The following CNTNAP2 variants were observed in gnomAD, a reference collection of about 807,000 sequenced individuals.
CNTNAP2 encodes contactin-associated protein-like 2.
In CNTNAP2, 98 loss-of-function variants were observed where a neutral mutation model predicts 155.2. The ratio of observed to expected loss-of-function variants is 0.63; its 90% CI spans 0.54 to 0.75. The LOEUF is 0.75. Among genes scored for constraint, CNTNAP2 ranks in the 30% least tolerant of loss-of-function variants. The probability of loss-of-function intolerance (pLI) is 0.00; values close to 1 mark genes in which losing one functional copy is unlikely to be tolerated. For missense variants in CNTNAP2, 1,727 were observed against 1,688.1 expected (o/e 1.02, Z -0.40); for synonymous variants, 651 against 631.2 (o/e 1.03, Z -0.47).
At chr7:146,956,736 G>T (rs1006939852) in intron 3 of CNTNAP2, among the ~76,000 whole-genome samples, 1 of 152,076 alleles carries the variant, frequency 6.6e-6, no homozygotes, top group Non-Finnish European at 1.5e-5. Flanking sequence ...GCTTGTAAGC[G>T]ACTAAATGGC....
chr7:147,683,320 C>T (rs190151035), intron 13 of CNTNAP2, among the ~76,000 whole-genome samples: 179 of 151,966 alleles, frequency 1.2e-3, no homozygotes, highest in Non-Finnish European at 2.1e-3. Flanking sequence ...ATGGAAACTG[C>T]AGCCTTTGCA....
intron 18 of CNTNAP2, among the ~76,000 whole-genome samples, chr7:148,202,404 C>T (rs774699630): frequency 3.9e-5 from 6 of 152,160 alleles, no homozygotes; most frequent in Admixed American, 6.5e-5. Context: ...ATCACACACA[C>T]GCATTTTCCA....
At chr7:147,798,502 G>A (rs537706965) in intron 13 of CNTNAP2, among the ~76,000 whole-genome samples, 46 of 152,276 alleles carry the variant, frequency 3.0e-4, no homozygotes, top group Admixed American at 1.2e-3. Flanking sequence ...TGTCCTGTAC[G>A]TAATGGCTTC....
chr7:146,153,776 A>T (rs970643470), intron 1 of CNTNAP2, among the ~76,000 whole-genome samples: 2 of 152,206 alleles, frequency 1.3e-5, no homozygotes, highest in African/African-American at 4.8e-5. Flanking sequence ...CTTGATGTAG[A>T]CACATTACAT....
chr7:146,369,451 C>G (rs140649753), intron 1 of CNTNAP2, among the ~76,000 whole-genome samples: 3 of 152,122 alleles, frequency 2.0e-5, no homozygotes, highest in African/African-American at 4.8e-5. Context: ...TGTCCCTTAA[C>G]CTATGATACG....
intron 2 of CNTNAP2, among the ~76,000 whole-genome samples, chr7:146,798,468 G>A (rs1802811096): frequency 3.3e-5 from 5 of 151,840 alleles, no homozygotes; most frequent in Admixed American, 3.3e-4. Context: ...CAGCCTCCTG[G>A]GTAGCTGGGA....
intron 1 of CNTNAP2, among the ~76,000 whole-genome samples, chr7:146,121,435 A>G (rs1797562071): frequency 6.6e-6 from 1 of 152,238 alleles, no homozygotes; most frequent in Non-Finnish European, 1.5e-5. Context: ...AGGCTCAGAA[A>G]TTCTTAATTC....
intron 11 of CNTNAP2, among the ~76,000 whole-genome samples, chr7:147,556,681 T>A (rs1000090477): frequency 9.2e-5 from 14 of 152,108 alleles, no homozygotes; most frequent in African/African-American, 1.7e-4. Flanking sequence ...GTATATAGAT[T>A]TCCCCCCTAG....
chr7:147,926,782 AAG>A (rs1251569721), intron 14 of CNTNAP2, among the ~76,000 whole-genome samples: 5 of 152,204 alleles, frequency 3.3e-5, no homozygotes, highest in East Asian at 1.9e-4. Context: ...GAAAAAAACA[AAG>A]AGCGTTTTTA....
At chr7:147,188,786 T>A (rs9640495) in intron 8 of CNTNAP2, among the ~76,000 whole-genome samples, 80,846 of 152,044 alleles carry the variant, frequency 0.53, 22,087 homozygotes, top group South Asian at 0.7. Flanking sequence ...ACAAAGAAGA[T>A]TAATTTGATG....
intron 4 of CNTNAP2, among the ~76,000 whole-genome samples, chr7:147,104,134 A>T (rs1426467002): frequency 6.6e-6 from 1 of 152,108 alleles, no homozygotes; most frequent in Non-Finnish European, 1.5e-5. Flanking sequence ...AAATGTTAAT[A>T]TTAGAGGAAG....
chr7:147,375,481 C>T (rs2116921809), intron 9 of CNTNAP2, among the ~76,000 whole-genome samples: 1 of 152,180 alleles, frequency 6.6e-6, no homozygotes, highest in East Asian at 1.9e-4. Context: ...GTTGCAGATT[C>T]TCTGATAATT....
At chr7:146,388,571 C>G (rs1465836919) in intron 1 of CNTNAP2, among the ~76,000 whole-genome samples, 1 of 152,102 alleles carries the variant, frequency 6.6e-6, no homozygotes, top group Non-Finnish European at 1.5e-5. Context: ...AATGGGGGAT[C>G]CATCCCCTCA....
chr7:146,926,753 G>A (rs760284197), intron 3 of CNTNAP2, among the ~76,000 whole-genome samples: 1 of 152,178 alleles, frequency 6.6e-6, no homozygotes, highest in South Asian at 2.1e-4. Flanking sequence ...ATATTACAAA[G>A]TTGTAAGGGA....
chr7:147,977,899 C>G lies in CNTNAP2; in HGVS notation c.2293C>G (p.Leu765Val). 6.2e-7 allele frequency: 1 copy of G among 1,614,144 alleles called. No individual in the cohort carries two copies. Among genetic ancestry groups the G allele is most frequent in the African/African-American group, 1.3e-5 (1 of 75,040 alleles). The change falls in exon 15 of 24, where the codon CTG becomes GTG. Residue 765 changes from leucine to valine, a missense_variant. Coordinates refer to ENST00000361727, the MANE Select transcript of CNTNAP2 (RefSeq NM_014141.6). ...DAGFLSYKDH[L>V]PVSQVVVGDT... ...TGGTTTCTTATCATACAAAGATCAC[C>G]TGCCAGTGAGCCAAGTGGTGGTTGG...
intron 11 of CNTNAP2, among the ~76,000 whole-genome samples, chr7:147,545,437 TGTTA>T (rs1799712550): frequency 1.3e-5 from 2 of 152,244 alleles, no homozygotes; most frequent in African/African-American, 4.8e-5. Context: ...GAGTTGTCTG[TGTTA>T]GTTATCTATT....
At chr7:148,014,641 C>T (rs1485964562) in intron 15 of CNTNAP2, among the ~76,000 whole-genome samples, 1 of 152,232 alleles carries the variant, frequency 6.6e-6, no homozygotes, top group African/African-American at 2.4e-5. Context: ...GAGTATGAGT[C>T]ACCAGCTGCC....
intron 1 of CNTNAP2, among the ~76,000 whole-genome samples, chr7:146,225,103 A>G (rs1390719681): frequency 6.6e-6 from 1 of 152,206 alleles, no homozygotes; most frequent in African/African-American, 2.4e-5. Flanking sequence ...CACTTTGAAT[A>G]CAGAGAGTGA....
chr7:147,544,685 G>C (rs532090924), intron 11 of CNTNAP2, among the ~76,000 whole-genome samples: 10 of 151,956 alleles, frequency 6.6e-5, no homozygotes, highest in African/African-American at 2.2e-4. Context: ...ATCTCATCTT[G>C]AATTGTAACT....
Sources: allele counts gnomAD v4.1 joint callset (sites outside exome capture counted in the v4.1 genomes callset), GRCh38; gene constraint gnomAD v4.1.1; transcripts MANE v1.5; gene names NCBI Gene and HGNC (gene_info 2026-07-23, HGNC 2026-07-21).